RASL10A: variants seen among roughly 807,000 people sequenced by gnomAD.
The protein encoded by RASL10A is ras-like protein family member 10A.
In RASL10A, 13 loss-of-function variants were observed where a neutral mutation model predicts 17.3. The ratio of observed to expected loss-of-function variants is 0.75; its 90% CI spans 0.49 to 1.20. The LOEUF (loss-of-function observed/expected upper bound fraction) is 1.20, where lower values mean the gene tolerates loss of function less well. Among genes scored for constraint, RASL10A ranks in the 50% most tolerant of loss-of-function variants. The pLI, the probability that RASL10A is intolerant of heterozygous loss-of-function variation, is 0.00. For synonymous variants in RASL10A, 159 were observed against 142.2 expected (o/e 1.12, Z -0.84); for missense variants, 307 against 310.3 (o/e 0.99, Z 0.08).
At position 29,313,494 on chromosome 22, in the gene RASL10A, G is replaced by T; in HGVS notation, c.419C>A (p.Pro140Gln). 1 of 1,562,790 alleles carries T rather than the reference G, an allele frequency of 6.4e-7. No individual in the cohort carries two copies. Among genetic ancestry groups the T allele is most frequent in the Non-Finnish European group, 8.6e-7 (1 of 1,161,992 alleles). ...CACTAGGGCGGCCAGCGCGCGCCGCGGTCCGAAGCGCAGCCGCTGCCTGTC... is the reference window on the plus strand; with the variant it reads ...CACTAGGGCGGCCAGCGCGCGCCGCTGTCCGAAGCGCAGCCGCTGCCTGTC... The part of the protein sequence containing the change: ...KRDRQRLRFG[P>Q]RRALAALVRR... The change falls in exon 3 of 3, where the codon CCG becomes CAG. Residue 140 changes from proline (P) to glutamine (Q), a missense_variant. Pro to Gln is a moderately conservative substitution (Grantham distance 76, BLOSUM62 -1). Transcript: ENST00000216101.
At position 29,313,323 on chromosome 22, in the gene RASL10A, G is replaced by A; in HGVS notation, c.590C>T (p.Pro197Leu). ...GGGTCACATGAGGCTGCAGCGCGCG[G>A]GATGCAGCGCCCCCTGCAGGCGCAG... Reference protein sequence around the residue: ...PALRLQGALHPARCSLM With the variant: ...PALRLQGALHLARCSLM Residue 197 changes from proline (P) to leucine (L), a missense_variant, in exon 3 of 3, where the codon CCC becomes CTC. By Grantham distance (98) the Pro-to-Leu change is moderately conservative. Transcript: ENST00000216101. 3 of 1,527,986 alleles carry A rather than the reference G, an allele frequency of 2.0e-6. No homozygotes were observed. The highest frequency in any genetic ancestry group is 2.6e-6 in the Non-Finnish European group (3 of 1,136,494). 94.7% of individuals were successfully genotyped at this position (1,527,986 alleles called of 1,614,324 possible). A position where few individuals can be genotyped will look rare whatever the true frequency, so the allele number is the denominator to read the frequency against.
rs2147909300 is a variant in RASL10A at position 29,313,141 on chromosome 22, G to C, written c.*160C>G. ...GGTTGGGTCCAATGAGGTTCAAAAGGGGGCCAGTCGCTTAGGAGACTGGGT... is the reference window on the plus strand; with the variant it reads ...GGTTGGGTCCAATGAGGTTCAAAAGCGGGCCAGTCGCTTAGGAGACTGGGT... On this transcript the variant is annotated 3_prime_UTR_variant, in exon 3 of 3. Coordinates refer to ENST00000216101, the MANE Select transcript of RASL10A (RefSeq NM_006477.5). 1.0e-6 allele frequency: 1 copy of C among 1,004,642 alleles called. No individual in the cohort carries two copies. Among genetic ancestry groups the C allele is most frequent in the South Asian group, 2.3e-5 (1 of 44,122 alleles). The allele number at this position is 1,004,642 out of a possible 1,614,324, so 62.2% of individuals were successfully genotyped here.
At position 29,315,182 on chromosome 22, in the gene RASL10A, C is replaced by T; in HGVS notation, c.65G>A (p.Arg22His). 2 of 1,540,386 alleles carry T rather than the reference C, an allele frequency of 1.3e-6. No individual in the cohort carries two copies. The highest frequency in any genetic ancestry group is 1.7e-6 in the Non-Finnish European group (2 of 1,150,634). ...APGVGKTAIIRQFLFGDYPER... is the reference protein window; with the variant it reads ...APGVGKTAIIHQFLFGDYPER... ...GGGGTAGTCACCGAACAGGAACTGGCGGATGATGGCCGTCTTGCCCACGCC... is the reference window on the plus strand; with the variant it reads ...GGGGTAGTCACCGAACAGGAACTGGTGGATGATGGCCGTCTTGCCCACGCC... The change falls in exon 1 of 3, where the codon CGC (arginine) becomes CAC (histidine). Residue 22 changes from arginine (R) to histidine (H), a missense_variant. Coordinates refer to ENST00000216101, the MANE Select transcript of RASL10A (RefSeq NM_006477.5). The surrounding 1 kb of genome is among the most constrained non-coding windows in gnomAD (Gnocchi z 5.5).
chr22:29,315,499 CGAGA>C lies in RASL10A; in HGVS notation c.-257_-254del, dbSNP rs1342952743. ...AGCGGCTCGGGCGGGTGCCGAAGCT[CGAGA>C]GAGAGCAGAGCCGGAGCGGCGCTCA... On this transcript the variant is annotated 5_prime_UTR_variant, in exon 1 of 3. Coordinates refer to ENST00000216101, the MANE Select transcript of RASL10A (RefSeq NM_006477.5). This position sits in a 1 kb window ranked among gnomAD's most constrained non-coding sequence, Gnocchi z 5.5. 3 of 237,748 alleles carry C rather than the reference CGAGA, an allele frequency of 1.3e-5. No homozygotes were observed. In the Admixed American group the frequency reaches 1.7e-4, roughly 13 times the overall value. 14.7% of individuals were successfully genotyped at this position (237,748 alleles called of 1,614,324 possible).
At chr22:29,314,170 G>T in intron 1 of RASL10A, 183 bp from the exon 2 acceptor site, 2 of 706,222 alleles carry the variant, frequency 2.8e-6, no homozygotes, top group Non-Finnish European at 4.5e-6. Context: ...TCCAAATCGT[G>T]CCTGGAGCCT....
chr22:29,319,108 A>G (rs2061465406), upstream of RASL10A, among the ~76,000 whole-genome samples: 1 of 151,904 alleles, frequency 6.6e-6, no homozygotes, highest in African/African-American at 2.4e-5. Flanking sequence ...ACAGGCTCCT[A>G]ACACCAGCTA....
upstream of RASL10A, chr22:29,319,668 C>T (rs1477448059): frequency 6.6e-6 from 1 of 152,038 alleles, no homozygotes; most frequent in Non-Finnish European, 1.5e-5. Flanking sequence ...CTGGGCAACA[C>T]AGTGAGACCC....
In RASL10A at chr22:29,315,493, G is replaced by C. The variant is rs1404998666; in HGVS notation, c.-247C>G. The C allele has an allele frequency of 4.1e-6, 1 of 244,794 alleles. No homozygotes were observed. The allele number at this position is 244,794 out of a possible 1,614,324, so 15.2% of individuals were successfully genotyped here. On this transcript the variant is annotated 5_prime_UTR_variant, in exon 1 of 3. Coordinates refer to ENST00000216101, the MANE Select transcript of RASL10A (RefSeq NM_006477.5). The surrounding 1 kb of genome is among the most constrained non-coding windows in gnomAD (Gnocchi z 5.5). ...CGCGCGAGCGGCTCGGGCGGGTGCC[G>C]AAGCTCGAGAGAGAGCAGAGCCGGA...
chr22:29,317,598 C>T (rs546240477), upstream of RASL10A, among the ~76,000 whole-genome samples: 11 of 152,222 alleles, frequency 7.2e-5, no homozygotes, highest in African/African-American at 1.2e-4. Context: ...TCAATTCCTT[C>T]GGGGAACAAG....
Position 29,313,396 on chromosome 22 carries a change from C to T in RASL10A, c.517G>A (p.Glu173Lys), listed in dbSNP as rs1470644927. ...YNWHVLRLFR[E>K]LLRCALVRAR... ...CGCACCAGAGCGCAGCGCAGCAGCT[C>T]GCGGAAGAGACGCAGCACGTGCCAG... The change falls in exon 3 of 3, where the codon GAG (glutamate) becomes AAG (lysine). Residue 173 changes from glutamate to lysine, a missense_variant. Glu to Lys is a moderately conservative substitution (Grantham distance 56). Transcript: ENST00000216101. 1 of 1,542,802 alleles carries T rather than the reference C, an allele frequency of 6.5e-7. No individual in the cohort carries two copies. The highest frequency in any genetic ancestry group is 8.7e-7 in the Non-Finnish European group (1 of 1,146,402).
At position 29,313,362 on chromosome 22, in the gene RASL10A, G is replaced by A; in HGVS notation, c.551C>T (p.Pro184Leu). Residue 184 changes from proline to leucine, a missense_variant, in exon 3 of 3, where the codon CCT (proline) becomes CTT (leucine). Transcript: ENST00000216101. ...LLRCALVRAR[P>L]AHPALRLQGA... ...CTGCAGGCGCAGGGCCGGGTGTGCAGGGCGCGCGCGCACCAGAGCGCAGCG... is the reference window on the plus strand; with the variant it reads ...CTGCAGGCGCAGGGCCGGGTGTGCAAGGCGCGCGCGCACCAGAGCGCAGCG... 6.5e-7 allele frequency: 1 copy of A among 1,543,582 alleles called. No individual in the cohort carries two copies. Among genetic ancestry groups the A allele is most frequent in the Non-Finnish European group, 8.7e-7 (1 of 1,145,078 alleles).
intron 2 of RASL10A, 45 bp from the exon 3 acceptor site, chr22:29,313,613 G>A (rs1437595304): frequency 6.7e-7 from 1 of 1,489,846 alleles, no homozygotes. Context: ...CCCACGGCCG[G>A]AGAATTCCCC....
At chr22:29,316,474 C>G (rs570686610), upstream of RASL10A, among the ~76,000 whole-genome samples, 1 of 152,230 alleles carries the variant, frequency 6.6e-6, no homozygotes, top group African/African-American at 2.4e-5. Flanking sequence ...ACTAAGGTCA[C>G]CTTTCCTGCG....
In RASL10A at chr22:29,314,000, G is replaced by A. The variant is rs148691912; in HGVS notation, c.220-13C>T. 2,331 of 1,612,280 alleles carry A rather than the reference G, an allele frequency of 1.4e-3. 35 individuals are homozygous for A. The African/African-American group carries it at 0.027, about 18-fold the overall frequency. ...CGTCTGGCCACTCCTGGGGACAGGA[G>A]GCCAGGGTTTGCGGAAGCCTCCTTT... is the stretch of plus-strand genomic sequence containing the variant. On this transcript the variant is annotated splice_polypyrimidine_tract_variant and intron_variant, in intron 1 of 2. Coordinates refer to ENST00000216101, the MANE Select transcript of RASL10A (RefSeq NM_006477.5).
chr22:29,316,918 CA>C (rs766167727), upstream of RASL10A: 42 of 151,980 alleles, frequency 2.8e-4, no homozygotes, highest in Middle Eastern at 3.4e-3. Context: ...AAAGCACAGA[CA>C]ATGTGCCCAC....
chr22:29,319,349 T>C (rs1168768571), upstream of RASL10A: 1 of 152,240 alleles, frequency 6.6e-6, no homozygotes, highest in Non-Finnish European at 1.5e-5. Context: ...ACAGCTCACA[T>C]GCTTGGGGTG....
In RASL10A at chr22:29,313,282, A is replaced by G. The variant is rs1379552858; in HGVS notation, c.*19T>C. 6.8e-7 allele frequency: 1 copy of G among 1,475,028 alleles called. No individual in the cohort carries two copies. Among genetic ancestry groups the G allele is most frequent in the Non-Finnish European group, 9.0e-7 (1 of 1,109,680 alleles). 91.4% of individuals were successfully genotyped at this position (1,475,028 alleles called of 1,614,324 possible). On this transcript the variant is annotated 3_prime_UTR_variant, in exon 3 of 3. Transcript: ENST00000216101. ...CCCAGTCACAAGGTGGGGCCCATGGATGGCACTGTCCGATCGGGTCACATG... is the reference window on the plus strand; with the variant it reads ...CCCAGTCACAAGGTGGGGCCCATGGGTGGCACTGTCCGATCGGGTCACATG...
chr22:29,318,794 C>T (rs1283730192), upstream of RASL10A, among the ~76,000 whole-genome samples: 1 of 152,262 alleles, frequency 6.6e-6, no homozygotes, highest in Non-Finnish European at 1.5e-5. Flanking sequence ...CACCTGCCAA[C>T]TATGCATGCA....
rs768944883 is a variant in RASL10A at position 29,315,266 on chromosome 22, T to C, written c.-20A>G. On this transcript the variant is annotated 5_prime_UTR_variant, in exon 1 of 3. Transcript: ENST00000216101. The surrounding 1 kb of genome is among the most constrained non-coding windows in gnomAD (Gnocchi z 5.5). The stretch of plus-strand genomic sequence containing the variant: ...CCCCATGGCCGGCCGGCGCTGTCGC[T>C]CCCCGCGCTGGAAAGCCTCATGGGC... 7.0e-7 allele frequency: 1 copy of C among 1,425,694 alleles called. No homozygotes were observed. Among genetic ancestry groups the C allele is most frequent in the South Asian group, 1.5e-5 (1 of 68,928 alleles). The allele number at this position is 1,425,694 out of a possible 1,614,324, so 88.3% of individuals were successfully genotyped here. A position where few individuals can be genotyped will look rare whatever the true frequency, so the allele number is the denominator to read the frequency against.
Sources: allele counts gnomAD v4.1 joint callset (sites outside exome capture counted in the v4.1 genomes callset), GRCh38; gene constraint gnomAD v4.1.1; non-coding constraint Gnocchi (gnomAD v3.1); transcripts MANE v1.5; gene names NCBI Gene and HGNC (gene_info 2026-07-23, HGNC 2026-07-21).